The following PRPF40B variants were observed in gnomAD, a reference collection of about 807,000 sequenced individuals.
PRPF40B encodes pre-mRNA-processing factor 40 homolog B.
Under a neutral mutation model 124.5 loss-of-function variants are expected in PRPF40B, and 56 were observed. The observed-to-expected ratio is 0.45, with a 90% CI of 0.36 to 0.56. The LOEUF (loss-of-function observed/expected upper bound fraction) is 0.56. PRPF40B is among the 20% of genes least tolerant of loss of function. The pLI is 0.00. For missense variants in PRPF40B, 1,053 were observed against 1,169.5 expected (o/e 0.90, Z 1.45); for synonymous variants, 443 against 426.4 (o/e 1.04, Z -0.48).
rs1409209899 is a variant in PRPF40B, at chr12:49,635,252, C to T, written c.1155C>T (p.Thr385=). Residue 385 remains threonine, a synonymous_variant, in exon 13 of 26, where the codon ACC becomes ACT. Coordinates refer to ENST00000548825, the MANE Select transcript of PRPF40B (RefSeq NM_001031698.3). This position sits in a 1 kb window ranked among gnomAD's most constrained non-coding sequence, Gnocchi z 4.1. ...FLEQHERMTS[T]TRYRRAEQTF... is the part of the protein sequence containing the mutation. ...AGCAGCATGAACGCATGACCTCCACCACCCGCTACCGGTCAGGGGGCCAGG... is the reference window on the plus strand; with the variant it reads ...AGCAGCATGAACGCATGACCTCCACTACCCGCTACCGGTCAGGGGGCCAGG... 6.2e-7 allele frequency: 1 copy of T among 1,613,172 alleles called. No homozygotes were observed.
chr12:49,638,299 C>A (rs1942124713), intron 18 of PRPF40B: 1 of 153,588 alleles, frequency 6.5e-6, no homozygotes, highest in African/African-American at 2.4e-5. Context: ...ATTTTAAAAC[C>A]AGGAAACTTC....
At chr12:49,627,028 A>G (rs1410826310) in intron 1 of PRPF40B, among the ~76,000 whole-genome samples, 2 of 152,214 alleles carry the variant, frequency 1.3e-5, no homozygotes, top group East Asian at 3.9e-4. Context: ...GGACTTGCCA[A>G]GACCATTTAG....
Position 49,643,806 on chromosome 12 carries a change from C to T in PRPF40B, c.2442+54C>T, listed in dbSNP as rs554507750. The stretch of plus-strand genomic sequence containing the variant: ...CTGCTATTTTGTGAGTTCTGTTCTA[C>T]CTGCCTCCCAGGCTATCCACAGGAA... On this transcript the variant is annotated intron_variant, in intron 24 of 25. Coordinates refer to ENST00000548825, the MANE Select transcript of PRPF40B (RefSeq NM_001031698.3). 10 of 1,613,836 alleles carry T rather than the reference C, an allele frequency of 6.2e-6. No homozygotes were observed. The South Asian group carries it at 1.1e-4, about 18-fold the overall frequency.
chr12:49,633,918 A>AGCCACAGCC lies in PRPF40B; in HGVS notation c.639_647dup (p.Pro217_Pro219dup). On this transcript the variant is annotated inframe_insertion, in exon 10 of 26. Transcript: ENST00000548825. ...CAGCAGCAGCTGCCACAGACACTTC[A>AGCCACAGCC]GCCACAGCCACCTCAGCCACAGCCT... 1.2e-6 allele frequency: 2 copies of AGCCACAGCC among 1,614,180 alleles called. No individual in the cohort carries two copies. Among genetic ancestry groups the AGCCACAGCC allele is most frequent in the Admixed American group, 1.7e-5 (1 of 60,026 alleles).
At position 49,632,634 on chromosome 12, in the gene PRPF40B, TG is replaced by T. The variant is rs1159944939; in HGVS notation, c.322+16del. 1.2e-6 allele frequency: 2 copies of T among 1,613,422 alleles called. No homozygotes were observed. Among genetic ancestry groups the T allele is most frequent in the African/African-American group, 2.7e-5 (2 of 74,896 alleles). On this transcript the variant is annotated intron_variant, in intron 5 of 25. Coordinates refer to ENST00000548825, the MANE Select transcript of PRPF40B (RefSeq NM_001031698.3). ...CGGACACCGCCAGCTGTGAGTCTTC[TG>T]GGGGCCTGCTCCCCCCAGGCTCGGA...
In PRPF40B at chr12:49,644,148, A is replaced by G; in HGVS notation, c.2635A>G (p.Arg879Gly). 3.1e-6 allele frequency: 5 copies of G among 1,614,068 alleles called. No homozygotes were observed. Among genetic ancestry groups the G allele is most frequent in the Non-Finnish European group, 4.2e-6 (5 of 1,179,992 alleles). ...ESELSEGELE[R>G]RRRTLLQQLD... ...TGAGCTGAGTGAGGGTGAGCTGGAG[A>G]GGCGGCGGCGGACACTCCTACAGCA... The change falls in exon 26 of 26, where the codon AGG becomes GGG. Residue 879 changes from arginine (R) to glycine (G), a missense_variant. Physicochemically the swap from Arg to Gly is moderately radical, Grantham distance 125 (BLOSUM62 -2). Coordinates refer to ENST00000548825, the MANE Select transcript of PRPF40B (RefSeq NM_001031698.3).
chr12:49,627,266 T>C (rs772733151), intron 1 of PRPF40B, among the ~76,000 whole-genome samples: 7 of 152,204 alleles, frequency 4.6e-5, no homozygotes, highest in Non-Finnish European at 7.3e-5. Flanking sequence ...GATATTATAA[T>C]TTAATTGGCA....
At chr12:49,633,146 CCCTT>C (rs1565830388) in intron 7 of PRPF40B, 22 bp downstream of exon 7, 2 of 1,565,628 alleles carry the variant, frequency 1.3e-6, no homozygotes, top group Non-Finnish European at 1.7e-6. Context: ...GGCTTTCTGG[CCCTT>C]CCTTTCAGCT....
At chr12:49,632,488 G>A (rs989898473) in intron 4 of PRPF40B, 108 bp from the exon 5 acceptor site, 90 of 1,189,530 alleles carry the variant, frequency 7.6e-5, no homozygotes, top group Non-Finnish European at 1.0e-4. Flanking sequence ...ATCTCTAGGA[G>A]CAGGACACAT....
intron 1 of PRPF40B, among the ~76,000 whole-genome samples, chr12:49,627,272 TGGC>T (rs1257179108): frequency 2.6e-5 from 4 of 152,238 alleles, no homozygotes; most frequent in Non-Finnish European, 4.4e-5. Flanking sequence ...ATAATTTAAT[TGGC>T]AGCATTTGTT....
At chr12:49,633,204 C>A in intron 7 of PRPF40B, 80 bp downstream of exon 7, 1 of 1,342,360 alleles carries the variant, frequency 7.4e-7, no homozygotes. Context: ...AGTCTCTAAC[C>A]ATATTCATGA....
intron 16 of PRPF40B, 64 bp downstream of exon 16, chr12:49,636,913 A>G: frequency 6.2e-7 from 1 of 1,606,002 alleles, no homozygotes; most frequent in Non-Finnish European, 8.5e-7. Flanking sequence ...CTCTTCACCC[A>G]TTCCCTGCCC....
rs1445545670 is a variant in PRPF40B, at chr12:49,631,302, TTGGGGAGGGAGG to T, written c.85-95_85-84del. On this transcript the variant is annotated intron_variant, in intron 2 of 25. Transcript: ENST00000548825. The surrounding 1 kb of genome is among the most constrained non-coding windows in gnomAD (Gnocchi z 4.3). The stretch of plus-strand genomic sequence containing the variant: ...AATTGCCTCAGAGCAGGGTGGAGGG[TTGGGGAGGGAGG>T]TGGTGGATATTTCCTGACAGGTCCT... 8.1e-6 allele frequency: 7 copies of T among 865,190 alleles called. No homozygotes were observed. The African/African-American group carries it at 8.7e-5, about 11-fold the overall frequency. The allele number at this position is 865,190 out of a possible 1,614,324, so 53.6% of individuals were successfully genotyped here. A position where few individuals can be genotyped will look rare whatever the true frequency, so the allele number is the denominator to read the frequency against.
intron 7 of PRPF40B, 44 bp downstream of exon 7, chr12:49,633,168 C>A (rs1425634488): frequency 6.6e-7 from 1 of 1,506,990 alleles, no homozygotes; most frequent in Non-Finnish European, 9.1e-7. Flanking sequence ...GCTGCCCTGA[C>A]CCTTCCAAGT....
Position 49,643,772 on chromosome 12 carries a change from C to T in PRPF40B, c.2442+20C>T. On this transcript the variant is annotated intron_variant, in intron 24 of 25. Coordinates refer to ENST00000548825, the MANE Select transcript of PRPF40B (RefSeq NM_001031698.3). ...AAGTCGGTGAGTGAAGGAACTTCTA[C>T]CTAAGCCCCTGCTATTTTGTGAGTT... 1 of 1,613,814 alleles carries T rather than the reference C, an allele frequency of 6.2e-7. No homozygotes were observed. The highest frequency in any genetic ancestry group is 8.5e-7 in the Non-Finnish European group (1 of 1,179,942).
intron 7 of PRPF40B, 79 bp from the exon 8 acceptor site, chr12:49,633,348 C>CA (rs1941426764): frequency 6.3e-7 from 1 of 1,583,250 alleles, no homozygotes; most frequent in Non-Finnish European, 8.6e-7. Context: ...GTCCTCTACT[C>CA]ACTAGGTCCC....
Position 49,633,664 on chromosome 12 carries a change from G to A in PRPF40B, c.605+3G>A, listed in dbSNP as rs759152170. On this transcript the variant is annotated splice_donor_region_variant and intron_variant, in intron 9 of 25. Transcript: ENST00000548825. ...CTAGTCAAACAAGAGGCTGCAGGGTGAGTGACTTGCCCACCTATCCATTTA... is the reference window on the plus strand; with the variant it reads ...CTAGTCAAACAAGAGGCTGCAGGGTAAGTGACTTGCCCACCTATCCATTTA... 1.2e-6 allele frequency: 2 copies of A among 1,614,210 alleles called. No homozygotes were observed. Among genetic ancestry groups the A allele is most frequent in the South Asian group, 1.1e-5 (1 of 91,090 alleles).
rs763312096 is a variant in PRPF40B at position 49,631,360 on chromosome 12, T to C, written c.85-41T>C. ...GTCCTCTCTACCTCTGACAAGGCGATGTCTTCCCTGCTCAGTATCTCTTCC... is the reference window on the plus strand; with the variant it reads ...GTCCTCTCTACCTCTGACAAGGCGACGTCTTCCCTGCTCAGTATCTCTTCC... On this transcript the variant is annotated intron_variant, in intron 2 of 25. Coordinates refer to ENST00000548825, the MANE Select transcript of PRPF40B (RefSeq NM_001031698.3). This position sits in a 1 kb window ranked among gnomAD's most constrained non-coding sequence, Gnocchi z 4.3. 13 of 1,440,348 alleles carry C rather than the reference T, an allele frequency of 9.0e-6. No homozygotes were observed. Among genetic ancestry groups the C allele is most frequent in the Non-Finnish European group, 1.2e-5 (13 of 1,083,670 alleles). The allele number at this position is 1,440,348 out of a possible 1,614,324, so 89.2% of individuals were successfully genotyped here. A position where few individuals can be genotyped will look rare whatever the true frequency, so the allele number is the denominator to read the frequency against.
Position 49,644,004 on chromosome 12 carries a change from G to C in PRPF40B, c.2586G>C (p.Lys862Asn). ...RSPGFGIKKE[K>N]TGWDTSESEL... ...CAGGCTTTGGAATCAAGAAGGAGAA[G>C]GTGAGGGGCAGGGGCCCTAGGCCAG... Residue 862 changes from lysine (K) to asparagine (N), a missense_variant and splice_region_variant, in exon 25 of 26, where the codon AAG becomes AAC. Around this residue, in one of 2 missense-constraint regions of PRPF40B, gnomAD observed 895 missense variants for 1,052.2 expected, o/e 0.85. Coordinates refer to ENST00000548825, the MANE Select transcript of PRPF40B (RefSeq NM_001031698.3). 6.2e-7 allele frequency: 1 copy of C among 1,614,170 alleles called. No individual in the cohort carries two copies. Among genetic ancestry groups the C allele is most frequent in the Non-Finnish European group, 8.5e-7 (1 of 1,180,038 alleles).
Sources: allele counts gnomAD v4.1 joint callset (sites outside exome capture counted in the v4.1 genomes callset), GRCh38; gene constraint gnomAD v4.1.1; regional missense constraint gnomAD v4.1.1; non-coding constraint Gnocchi (gnomAD v3.1); transcripts MANE v1.5; gene names NCBI Gene and HGNC (gene_info 2026-07-23, HGNC 2026-07-21).